The following ENTHD1 variants were observed in gnomAD, a reference collection of about 807,000 sequenced individuals.
ENTHD1 encodes the protein ENTH domain-containing protein 1.
ENTHD1 carries 23 observed loss-of-function variants against 39.1 expected under a neutral mutation model. The observed-to-expected ratio is 0.59, with a 90% CI of 0.42 to 0.83. The LOEUF (loss-of-function observed/expected upper bound fraction) is 0.83, where lower values mean the gene tolerates loss of function less well. ENTHD1 is among the 40% of genes least tolerant of loss of function. The probability of loss-of-function intolerance (pLI) is 0.00; values close to 1 mark genes in which losing one functional copy is unlikely to be tolerated. For missense variants in ENTHD1, 624 were observed against 705.4 expected, an observed-to-expected ratio of 0.88 and a Z score of 1.31; for synonymous variants, 230 against 258.2, an observed-to-expected ratio of 0.89 and a Z score of 1.05.
chr22:39,776,299 C>A (rs1286399744), intron 5 of ENTHD1, among the ~76,000 whole-genome samples: 2 of 152,190 alleles, frequency 1.3e-5, no homozygotes, highest in Non-Finnish European at 2.9e-5. Flanking sequence ...GAGAGAATTT[C>A]TCTGAATTCC....
rs769318998 is a variant in ENTHD1 at position 39,756,287 on chromosome 22, GTCTCTC to G, written c.1219+8930_1219+8935del. ...TGTTGTTAAACCTATCAATGTCTCT[GTCTCTC>G]TCTCTCTCTCTCTCTCTCTCTCTCA... On this transcript the variant is annotated intron_variant, in intron 6 of 6. Coordinates refer to ENST00000325157, the MANE Select transcript of ENTHD1 (RefSeq NM_152512.4). 4.9e-3 allele frequency among the ~76,000 whole-genome samples: 711 copies of G among 144,418 alleles called. 3 individuals are homozygous for G. Among genetic ancestry groups the G allele is most frequent in the Middle Eastern group, 0.014 (4 of 282 alleles). The allele number at this position is 144,418 out of a possible 152,430, so 94.7% of individuals were successfully genotyped here.
At chr22:39,804,475 T>A (rs2065625159) in intron 5 of ENTHD1, among the ~76,000 whole-genome samples, 4 of 146,684 alleles carry the variant, frequency 2.7e-5, no homozygotes, top group Admixed American at 2.1e-4. Flanking sequence ...AAAAAAAAAA[T>A]TGATAATCCT....
intron 5 of ENTHD1, among the ~76,000 whole-genome samples, chr22:39,768,905 G>A (rs776125155): frequency 6.6e-6 from 1 of 151,848 alleles, no homozygotes; most frequent in Non-Finnish European, 1.5e-5. Context: ...TCCTACTGTC[G>A]ATGAACTAAT....
chr22:39,781,997 A>C (rs1231624960), intron 5 of ENTHD1, among the ~76,000 whole-genome samples: 1 of 152,166 alleles, frequency 6.6e-6, no homozygotes, highest in African/African-American at 2.4e-5. Flanking sequence ...ATAATAAGTA[A>C]CAAGATTGGC....
Position 39,783,042 on chromosome 22 carries a change from C to CA in ENTHD1, c.833-17434dup, listed in dbSNP as rs201066843. Among the ~76,000 whole-genome samples the CA allele has an allele frequency of 3.9e-3, 588 of 152,174 alleles. 4 individuals carry two copies. Among genetic ancestry groups the CA allele is most frequent in the Middle Eastern group, 0.014 (4 of 294 alleles). On this transcript the variant is annotated intron_variant, in intron 5 of 6. Coordinates refer to ENST00000325157, the MANE Select transcript of ENTHD1 (RefSeq NM_152512.4). ...TACTTAGAAAAACCCAAATATTCCA[C>CA]AAAAAATTGTTAGAACTTATTAACA...
intron 6 of ENTHD1, among the ~76,000 whole-genome samples, chr22:39,758,871 A>G (rs738314): frequency 1.8e-4 from 28 of 152,166 alleles, no homozygotes; most frequent in Admixed American, 3.3e-4. Context: ...AGATAATTTT[A>G]TCATTTCCAT....
chr22:39,846,282 C>T (rs991810673), intron 3 of ENTHD1, among the ~76,000 whole-genome samples: 5 of 152,136 alleles, frequency 3.3e-5, no homozygotes, highest in African/African-American at 1.2e-4. Context: ...CTCACTGCAG[C>T]CTCTACCGCT....
At chr22:39,868,540 A>C (rs2066209314) in intron 2 of ENTHD1, among the ~76,000 whole-genome samples, 2 of 152,182 alleles carry the variant, frequency 1.3e-5, no homozygotes, top group Admixed American at 1.3e-4. Flanking sequence ...AAAGCTAGAA[A>C]ACACCACGCT....
At chr22:39,825,295 A>G (rs1336442364) in intron 4 of ENTHD1, among the ~76,000 whole-genome samples, 1 of 152,196 alleles carries the variant, frequency 6.6e-6, no homozygotes, top group Non-Finnish European at 1.5e-5. Flanking sequence ...TAGTATGTAG[A>G]CATTCAGTTG....
intron 3 of ENTHD1, among the ~76,000 whole-genome samples, chr22:39,853,155 G>A (rs2066056896): frequency 6.6e-6 from 1 of 152,144 alleles, no homozygotes; most frequent in Admixed American, 6.6e-5. Flanking sequence ...CTTGGAAATT[G>A]CTACTTTAAG....
chr22:39,821,300 A>G (rs1424389518), intron 4 of ENTHD1, among the ~76,000 whole-genome samples, 187 bp from the exon 5 acceptor site: 1 of 151,990 alleles, frequency 6.6e-6, no homozygotes, highest in Non-Finnish European at 1.5e-5. Context: ...TGCCCTCGGG[A>G]ATCCCCAGAC....
intron 5 of ENTHD1, among the ~76,000 whole-genome samples, chr22:39,803,766 A>G (rs1378349956): frequency 6.6e-6 from 1 of 152,324 alleles, no homozygotes; most frequent in South Asian, 2.1e-4. Context: ...TATATTGCCA[A>G]TCAATAAATA....
intron 3 of ENTHD1, among the ~76,000 whole-genome samples, chr22:39,860,547 G>C (rs2066131491): frequency 6.6e-6 from 1 of 152,196 alleles, no homozygotes. Flanking sequence ...CCAATCCCAA[G>C]TGTGGATGTT....
chr22:39,830,693 T>C (rs983482138), intron 4 of ENTHD1, among the ~76,000 whole-genome samples: 3 of 152,170 alleles, frequency 2.0e-5, no homozygotes, highest in Admixed American at 6.5e-5. Context: ...CAAAAATTTG[T>C]CAATTGAAGA....
At chr22:39,893,510 G>A (rs2066446127) in intron 1 of ENTHD1, 185 bp downstream of exon 1, 1 of 152,314 alleles carries the variant, frequency 6.6e-6, no homozygotes, top group East Asian at 1.9e-4. Flanking sequence ...TAGAAGGAGA[G>A]AGGGACGTGA....
chr22:39,843,444 A>G (rs1601634311), intron 3 of ENTHD1, among the ~76,000 whole-genome samples: 1 of 114,380 alleles, frequency 8.7e-6, no homozygotes, highest in Admixed American at 1.2e-4. Context: ...GGAACATCAC[A>G]CTCTGGGGAC....
rs1234561412 is a variant in ENTHD1 at position 39,887,414 on chromosome 22, G to A, written c.335C>T (p.Ala112Val). Residue 112 changes from alanine to valine, a missense_variant, in exon 2 of 7, where the codon GCT becomes GTT. Coordinates refer to ENST00000325157, the MANE Select transcript of ENTHD1 (RefSeq NM_152512.4). ...TLKDFQHIDE[A>V]GKDQGYYIRE... Reference sequence around the variant, plus strand: ...TTAACCATTACCTTGGTCTTTTCCAGCTTCATCTATGTGCTGAAAATCTTT... The same window carrying A: ...TTAACCATTACCTTGGTCTTTTCCAACTTCATCTATGTGCTGAAAATCTTT... 3 of 1,608,150 alleles carry A rather than the reference G, an allele frequency of 1.9e-6. No individual in the cohort carries two copies. Among genetic ancestry groups the A allele is most frequent in the Non-Finnish European group, 1.7e-6 (2 of 1,177,314 alleles).
rs58727605 is a variant in ENTHD1, at chr22:39,871,172, AAAATAAATAAATAAATAAAT to A, written c.350-9185_350-9166del. On this transcript the variant is annotated intron_variant, in intron 2 of 6. Coordinates refer to ENST00000325157, the MANE Select transcript of ENTHD1 (RefSeq NM_152512.4). ...GCAATGGAGTGAGAGCCCATCTTCTAAAATAAATAAATAAATAAATAAATAAATAAATAAATAAATAAATA... is the reference window on the plus strand; with the variant it reads ...GCAATGGAGTGAGAGCCCATCTTCTAAAATAAATAAATAAATAAATAAATA... Among the ~76,000 whole-genome samples, 535 of 141,272 alleles carry A rather than the reference AAAATAAATAAATAAATAAAT, an allele frequency of 3.8e-3. 5 individuals carry two copies. Among genetic ancestry groups the A allele is most frequent in the Middle Eastern group, 0.014 (4 of 278 alleles). The allele number at this position is 141,272 out of a possible 152,430, so 92.7% of individuals were successfully genotyped here.
chr22:39,882,852 A>C (rs1017891470), intron 2 of ENTHD1, among the ~76,000 whole-genome samples: 3 of 151,836 alleles, frequency 2.0e-5, no homozygotes, highest in African/African-American at 4.8e-5. Flanking sequence ...AAAATACGAA[A>C]ATTAGCAGGG....
Sources: gnomAD v4.1 joint callset for allele counts (sites outside exome capture counted in the v4.1 genomes callset) on GRCh38, gnomAD v4.1.1 for gene constraint, MANE v1.5 for transcripts, NCBI Gene and HGNC (gene_info 2026-07-23, HGNC 2026-07-21) for gene names.